Variants in SHANK2 observed in about 807,000 individuals in gnomAD.
SHANK2 encodes the protein SH3 and multiple ankyrin repeat domains 2.
Under a neutral mutation model 133.7 loss-of-function variants are expected in SHANK2, and 43 were observed. That is an observed-to-expected ratio of 0.32 (90% confidence interval 0.25 to 0.41). The LOEUF is 0.41. Among genes scored for constraint, SHANK2 ranks in the 10% least tolerant of loss-of-function variants. The pLI, the probability that SHANK2 is intolerant of heterozygous loss-of-function variation, is 1.00. For synonymous variants in SHANK2, 1,017 were observed against 952.8 expected, an observed-to-expected ratio of 1.07 and a Z score of -1.24; for missense variants, 1,994 against 2,235.8, an observed-to-expected ratio of 0.89 and a Z score of 2.18.
intron 17 of SHANK2, among the ~76,000 whole-genome samples, chr11:70,580,732 C>G (rs4980617): frequency 0.22 from 33,368 of 152,270 alleles, 4,117 homozygotes; most frequent in East Asian, 0.46. Context: ...CAGCCAGAGC[C>G]AGGGCTGGGG....
intron 9 of SHANK2, among the ~76,000 whole-genome samples, chr11:71,068,950 C>T (rs1951105153): frequency 1.3e-5 from 2 of 151,838 alleles, no homozygotes; most frequent in South Asian, 4.2e-4. Context: ...TGGCCACCAT[C>T]ACTATCACCA....
chr11:71,073,147 CTTT>C (rs1156355131), intron 9 of SHANK2, among the ~76,000 whole-genome samples: 1 of 62,716 alleles, frequency 1.6e-5, no homozygotes, highest in Admixed American at 1.6e-4. Context: ...TTTTTCTTTT[CTTT>C]TTTTTCTTTT....
chr11:71,200,037 T>C (rs999031090), intron 2 of SHANK2, among the ~76,000 whole-genome samples: 2 of 152,246 alleles, frequency 1.3e-5, no homozygotes, highest in Admixed American at 6.5e-5. Context: ...AAGTATTTAA[T>C]GGTTTTTAGC....
At chr11:70,699,519 A>C (rs1482137819) in intron 14 of SHANK2, among the ~76,000 whole-genome samples, 2 of 152,174 alleles carry the variant, frequency 1.3e-5, no homozygotes, top group Non-Finnish European at 2.9e-5. Flanking sequence ...AAAACATCCA[A>C]AGAAATTATG....
chr11:70,837,805 T>C (rs1333716217), intron 11 of SHANK2, among the ~76,000 whole-genome samples: 1 of 150,972 alleles, frequency 6.6e-6, no homozygotes, highest in African/African-American at 2.4e-5. Flanking sequence ...CGAAACCCTG[T>C]TTCTACTAAA....
intron 10 of SHANK2, chr11:70,950,022 A>G: frequency 2.2e-6 from 1 of 456,396 alleles, no homozygotes; most frequent in Non-Finnish European, 4.4e-6. Context: ...GGTGGCTCTC[A>G]ATGTGTCTTC....
chr11:70,744,346 T>G (rs1355055720), intron 14 of SHANK2, among the ~76,000 whole-genome samples: 24 of 152,156 alleles, frequency 1.6e-4, no homozygotes, highest in Non-Finnish European at 7.4e-5. Flanking sequence ...CAAGCATCAC[T>G]GAGACCCATG....
intron 17 of SHANK2, among the ~76,000 whole-genome samples, chr11:70,639,013 CAAAAAAAA>C (rs201211059): frequency 1.5e-5 from 2 of 136,414 alleles, no homozygotes; most frequent in South Asian, 2.4e-4. Context: ...AACAAAAAAA[CAAAAAAAA>C]AACAAAAAAA....
intron 3 of SHANK2, among the ~76,000 whole-genome samples, chr11:71,145,000 T>A (rs576701362): frequency 6.6e-6 from 1 of 152,366 alleles, no homozygotes; most frequent in East Asian, 1.9e-4. Flanking sequence ...GTCTGGCATT[T>A]GTGCTTTCCT....
At position 70,853,410 on chromosome 11, in the gene SHANK2, C is replaced by T. The variant is rs996274466; in HGVS notation, c.1175-32728G>A. Among the ~76,000 whole-genome samples, 7 of 152,284 alleles carry T rather than the reference C, an allele frequency of 4.6e-5. No individual in the cohort carries two copies. The South Asian group carries it at 8.3e-4, about 18-fold the overall frequency. On this transcript the variant is annotated intron_variant, in intron 11 of 25. Transcript: ENST00000601538. ...CCTGAGGCTGCAGTGAGGCTGAGTG[C>T]GTCGGCCATTGTCACCCAGTGACCG...
chr11:71,155,171 CCCAAGCTCCCAGAGGGG>C (rs1952880341), intron 2 of SHANK2, among the ~76,000 whole-genome samples: 1 of 108,648 alleles, frequency 9.2e-6, no homozygotes, highest in African/African-American at 3.9e-5. Context: ...CCTACCCCAG[CCCAAGCTCCCAGAGGGG>C]TGGACCTACC....
intron 17 of SHANK2, among the ~76,000 whole-genome samples, chr11:70,627,338 A>C (rs761482527): frequency 1.1e-4 from 16 of 152,068 alleles, no homozygotes; most frequent in Admixed American, 2.6e-4. Context: ...GGCAACTATA[A>C]ATGGATGATG....
At chr11:70,748,157 C>T (rs1946682464) in intron 14 of SHANK2, among the ~76,000 whole-genome samples, 1 of 152,310 alleles carries the variant, frequency 6.6e-6, no homozygotes, top group East Asian at 1.9e-4. Flanking sequence ...TCTCAGCCCA[C>T]TGCACCACAA....
intron 2 of SHANK2, among the ~76,000 whole-genome samples, chr11:71,202,650 A>G (rs1555117324): frequency 6.6e-6 from 1 of 152,136 alleles, no homozygotes; most frequent in African/African-American, 2.4e-5. Context: ...CAGAGTCACT[A>G]AAGGTGACCT....
At chr11:70,706,254 T>C (rs1308636747) in intron 14 of SHANK2, among the ~76,000 whole-genome samples, 2 of 152,224 alleles carry the variant, frequency 1.3e-5, no homozygotes, top group Non-Finnish European at 2.9e-5. Flanking sequence ...CACATTTCAC[T>C]GCAATGCTAG....
intron 17 of SHANK2, among the ~76,000 whole-genome samples, chr11:70,522,796 C>T (rs955503174): frequency 2.0e-5 from 3 of 152,232 alleles, no homozygotes; most frequent in Non-Finnish European, 4.4e-5. Flanking sequence ...ACTGCCCCCA[C>T]CTCCAACCAG....
In SHANK2 at chr11:70,853,906, T is replaced by A. The variant is rs188504668; in HGVS notation, c.1175-33224A>T. On this transcript the variant is annotated intron_variant, in intron 11 of 25. Coordinates refer to ENST00000601538, the MANE Select transcript of SHANK2 (RefSeq NM_012309.5). The stretch of plus-strand genomic sequence containing the variant: ...TGGGTTCCTGTGTCTGAATCCCCCC[T>A]CCTTCTTCTTATAAAGACATCAGCC... Among the ~76,000 whole-genome samples, 26 of 152,276 alleles carry A rather than the reference T, an allele frequency of 1.7e-4. No individual in the cohort carries two copies. The East Asian group carries it at 4.8e-3, about 28-fold the overall frequency.
At chr11:70,846,187 G>A (rs1000320040) in intron 11 of SHANK2, among the ~76,000 whole-genome samples, 7 of 152,160 alleles carry the variant, frequency 4.6e-5, no homozygotes, top group Non-Finnish European at 7.4e-5. Context: ...GGCAGAAAAC[G>A]GAGGCACCCC....
At chr11:70,862,784 T>G (rs1221074601) in intron 11 of SHANK2, 4 of 281,318 alleles carry the variant, frequency 1.4e-5, no homozygotes, top group South Asian at 9.2e-5. Context: ...TTGGACACAT[T>G]GCACATTTTG....
Sources: allele counts gnomAD v4.1 joint callset (sites outside exome capture counted in the v4.1 genomes callset), GRCh38; gene constraint gnomAD v4.1.1; transcripts MANE v1.5; gene names NCBI Gene and HGNC (gene_info 2026-07-23, HGNC 2026-07-21).